ATP2C2: variants seen among roughly 807,000 people sequenced by gnomAD.
The protein encoded by ATP2C2 is calcium-transporting ATPase type 2C member 2.
ATP2C2 carries 171 observed loss-of-function variants against 110.8 expected under a neutral mutation model. That is an observed-to-expected ratio of 1.54 (90% confidence interval 1.36 to 1.75). The LOEUF (loss-of-function observed/expected upper bound fraction) is 1.75. Among genes scored for constraint, ATP2C2 ranks in the 40% most tolerant of loss-of-function variants. The probability of loss-of-function intolerance (pLI) is 0.00; values close to 1 mark genes in which losing one functional copy is unlikely to be tolerated. For synonymous variants in ATP2C2, 804 were observed against 508.4 expected (o/e 1.58, Z -7.82); for missense variants, 1,963 against 1,235.0 (o/e 1.59, Z -8.84).
At chr16:84,454,534 C>A (rs1400819019) in intron 20 of ATP2C2, among the ~76,000 whole-genome samples, 1 of 152,162 alleles carries the variant, frequency 6.6e-6, no homozygotes, top group Admixed American at 6.5e-5. Flanking sequence ...CCTTTATGAG[C>A]CTTTACTGAC....
chr16:84,446,014 G>T (rs16973814), intron 15 of ATP2C2, among the ~76,000 whole-genome samples: 29,289 of 152,186 alleles, frequency 0.19, 3,188 homozygotes, highest in African/African-American at 0.29. Context: ...AGGGGGTTCC[G>T]TCTGAGAAAT....
At chr16:84,413,862 G>T (rs1465154037) in intron 6 of ATP2C2, among the ~76,000 whole-genome samples, 2 of 152,172 alleles carry the variant, frequency 1.3e-5, no homozygotes, top group African/African-American at 4.8e-5. Context: ...TGTATGCCTG[G>T]AGAAAGGGCA....
chr16:84,413,655 T>C (rs747321022), intron 6 of ATP2C2, among the ~76,000 whole-genome samples: 13 of 152,188 alleles, frequency 8.5e-5, no homozygotes, highest in Non-Finnish European at 1.8e-4. Flanking sequence ...GGGAGGTCAC[T>C]TCTAAAAGAC....
chr16:84,372,541 C>T (rs967132969), intron 1 of ATP2C2, among the ~76,000 whole-genome samples: 1 of 152,094 alleles, frequency 6.6e-6, no homozygotes, highest in African/African-American at 2.4e-5. Flanking sequence ...TCTCCTGCCT[C>T]AGCTTCCCGA....
intron 1 of ATP2C2, among the ~76,000 whole-genome samples, chr16:84,394,014 A>AT (rs201026548): frequency 2.5e-4 from 38 of 149,174 alleles, no homozygotes; most frequent in East Asian, 1.2e-3. Flanking sequence ...AAAAAAATAA[A>AT]AAAATAAAAA....
chr16:84,415,185 A>G (rs192207382), intron 6 of ATP2C2, among the ~76,000 whole-genome samples: 67 of 152,216 alleles, frequency 4.4e-4, no homozygotes, highest in Non-Finnish European at 7.5e-4. Context: ...GAGGCTTTAG[A>G]ACTGCTGACC....
intron 1 of ATP2C2, among the ~76,000 whole-genome samples, chr16:84,376,845 C>G (rs751953723): frequency 1.3e-5 from 2 of 152,184 alleles, no homozygotes; most frequent in Non-Finnish European, 2.9e-5. Context: ...CTGTCCTGCA[C>G]GGGGATCTCT....
At chr16:84,376,358 C>T (rs2151395625) in intron 1 of ATP2C2, among the ~76,000 whole-genome samples, 1 of 152,274 alleles carries the variant, frequency 6.6e-6, no homozygotes, top group South Asian at 2.1e-4. Flanking sequence ...TGTGATCTCT[C>T]CCTCGAGTGT....
chr16:84,424,568 G>A (rs909702972), intron 10 of ATP2C2, among the ~76,000 whole-genome samples: 5 of 114,486 alleles, frequency 4.4e-5, no homozygotes, highest in African/African-American at 1.2e-4. Flanking sequence ...ATGAGCCACC[G>A]CACTGGGCTT....
rs1467220213 is a variant in ATP2C2, at chr16:84,452,563, A to G, written c.1831+472A>G. The stretch of plus-strand genomic sequence containing the variant: ...GCCTGGGCTGGAGTGCAGTAGTGCA[A>G]TCTTGGCTCACTGCAACCTCCACCT... On this transcript the variant is annotated intron_variant, in intron 18 of 26. Transcript: ENST00000262429. Among the ~76,000 whole-genome samples the G allele has an allele frequency of 2.0e-5, 3 of 147,588 alleles. No homozygotes were observed. The South Asian group carries it at 6.4e-4, about 31-fold the overall frequency.
chr16:84,398,277 G>T lies in ATP2C2; in HGVS notation c.100-222G>T, dbSNP rs115000926. Reference sequence around the variant, plus strand: ...AAAATTTAGTGGGGTGTGGTGATGCGTACCTGTAATCCCAGCTACTCGGGA... The same window carrying T: ...AAAATTTAGTGGGGTGTGGTGATGCTTACCTGTAATCCCAGCTACTCGGGA... On this transcript the variant is annotated intron_variant, in intron 1 of 26. Coordinates refer to ENST00000262429, the MANE Select transcript of ATP2C2 (RefSeq NM_014861.4). Among the ~76,000 whole-genome samples the T allele has an allele frequency of 3.3e-5, 5 of 152,072 alleles. No individual in the cohort carries two copies. The South Asian group carries it at 8.3e-4, about 25-fold the overall frequency.
In ATP2C2 at chr16:84,460,550, C is replaced by A. The variant is rs750235843; in HGVS notation, c.2334-104C>A. 5 of 1,523,844 alleles carry A rather than the reference C, an allele frequency of 3.3e-6. No homozygotes were observed. In the African/African-American group the frequency reaches 5.5e-5, roughly 17 times the overall value. The allele number at this position is 1,523,844 out of a possible 1,614,324, so 94.4% of individuals were successfully genotyped here. ...GGCGTTCAGCAAATGCCTGGCCCTGCCCCCTGTGCCAACTTGGCCTGGGAG... is the reference window on the plus strand; with the variant it reads ...GGCGTTCAGCAAATGCCTGGCCCTGACCCCTGTGCCAACTTGGCCTGGGAG... On this transcript the variant is annotated intron_variant, in intron 23 of 26. Coordinates refer to ENST00000262429, the MANE Select transcript of ATP2C2 (RefSeq NM_014861.4).
At chr16:84,377,736 G>A (rs922551344) in intron 1 of ATP2C2, among the ~76,000 whole-genome samples, 4 of 152,060 alleles carry the variant, frequency 2.6e-5, no homozygotes, top group East Asian at 1.9e-4. Flanking sequence ...GGAATGGTGG[G>A]GGGGTTGGAC....
At chr16:84,421,742 A>C (rs923048819) in intron 7 of ATP2C2, among the ~76,000 whole-genome samples, 3 of 152,180 alleles carry the variant, frequency 2.0e-5, no homozygotes, top group Non-Finnish European at 4.4e-5. Context: ...AGCTACGGAA[A>C]CTTGAACAAA....
chr16:84,385,590 T>G (rs1904308270), intron 1 of ATP2C2, among the ~76,000 whole-genome samples: 1 of 152,222 alleles, frequency 6.6e-6, no homozygotes, highest in Non-Finnish European at 1.5e-5. Context: ...CATGCTGCTA[T>G]GAAGAAATAT....
At chr16:84,450,074 G>A (rs191091533) in intron 17 of ATP2C2, among the ~76,000 whole-genome samples, 1 of 152,388 alleles carries the variant, frequency 6.6e-6, no homozygotes, top group African/African-American at 2.4e-5. Flanking sequence ...CCAGGGACTT[G>A]CTCCAGGCCT....
intron 1 of ATP2C2, among the ~76,000 whole-genome samples, chr16:84,379,941 A>T (rs1462359819): frequency 6.6e-6 from 1 of 152,164 alleles, no homozygotes; most frequent in Non-Finnish European, 1.5e-5. Flanking sequence ...GCTACTGTTA[A>T]AGTCCAGTGC....
At position 84,451,936 on chromosome 16, in the gene ATP2C2, C is replaced by T. The variant is rs1404022025; in HGVS notation, c.1676C>T (p.Ser559Phe). The T allele has an allele frequency of 1.2e-6, 2 of 1,614,060 alleles. No individual in the cohort carries two copies. Among genetic ancestry groups the T allele is most frequent in the Admixed American group, 3.3e-5 (2 of 60,014 alleles). The change falls in exon 18 of 27, where the codon TCT becomes TTT. Residue 559 changes from serine (S) to phenylalanine (F), a missense_variant. By Grantham distance (155) the Ser-to-Phe change is radical. Transcript: ENST00000262429. ...SLGLRVLALASGPELGRLTFL... is the reference protein window; with the variant it reads ...SLGLRVLALAFGPELGRLTFL... ...CTCTCCTCAGTGCTGGCCCTGGCTT[C>T]TGGGCCCGAGCTGGGGCGGCTGACG...
At chr16:84,387,110 C>A (rs549821616) in intron 1 of ATP2C2, among the ~76,000 whole-genome samples, 1 of 149,374 alleles carries the variant, frequency 6.7e-6, no homozygotes, top group Admixed American at 6.7e-5. Context: ...AAGCATGCCG[C>A]GCTCTGAGAA....
Sources: allele counts gnomAD v4.1 joint callset (sites outside exome capture counted in the v4.1 genomes callset), GRCh38; gene constraint gnomAD v4.1.1; transcripts MANE v1.5; gene names NCBI Gene and HGNC (gene_info 2026-07-23, HGNC 2026-07-21).